SIPA1L3: variants seen among roughly 807,000 people sequenced by gnomAD.
SIPA1L3 encodes the protein signal induced proliferation associated 1 like 3.
In SIPA1L3, 59 loss-of-function variants were observed where a neutral mutation model predicts 150.1. The ratio of observed to expected loss-of-function variants is 0.39; its 90% CI spans 0.32 to 0.49. The LOEUF (loss-of-function observed/expected upper bound fraction) is 0.49, where lower values mean the gene tolerates loss of function less well. SIPA1L3 is among the 20% of genes least tolerant of loss of function. The probability of loss-of-function intolerance (pLI) is 0.86; values close to 1 mark genes in which losing one functional copy is unlikely to be tolerated. For synonymous variants in SIPA1L3, 1,070 were observed against 1,077.6 expected (o/e 0.99, Z 0.14); for missense variants, 2,211 against 2,489.5 (o/e 0.89, Z 2.38).
At chr19:37,973,455 G>A (rs775098800) in intron 1 of SIPA1L3, among the ~76,000 whole-genome samples, 7 of 139,298 alleles carry the variant, frequency 5.0e-5, no homozygotes, top group African/African-American at 1.6e-4. Context: ...GGCTGGTCTC[G>A]AACTCCCGAC....
chr19:37,917,128 CTATTT>C (rs1385687805), intron 1 of SIPA1L3, among the ~76,000 whole-genome samples: 1 of 152,002 alleles, frequency 6.6e-6, no homozygotes, highest in Non-Finnish European at 1.5e-5. Flanking sequence ...TATTAGTGAG[CTATTT>C]TACTTCCTTT....
Position 38,197,880 on chromosome 19 carries a change from CCA to C in SIPA1L3, c.4841-508_4841-507del, listed in dbSNP as rs1491347447. 1.7e-3 allele frequency among the ~76,000 whole-genome samples: 253 copies of C among 150,522 alleles called. 1 individual carries two copies. Among genetic ancestry groups the C allele is most frequent in the African/African-American group, 5.6e-3 (229 of 40,932 alleles). On this transcript the variant is annotated intron_variant, in intron 18 of 21. Coordinates refer to ENST00000222345, the MANE Select transcript of SIPA1L3 (RefSeq NM_015073.3). ...TCCCTGTCTCCCCCCAAATCCCCCC[CCA>C]AACACACAGTCCGTCCCCCACATGC...
chr19:38,045,194 A>G (rs1187646427), intron 2 of SIPA1L3, among the ~76,000 whole-genome samples: 1 of 152,082 alleles, frequency 6.6e-6, no homozygotes, highest in Non-Finnish European at 1.5e-5. Flanking sequence ...CCTGGCCAAC[A>G]TGGTGAAACC....
At chr19:37,963,121 TG>T (rs1469334495) in intron 1 of SIPA1L3, among the ~76,000 whole-genome samples, 2 of 152,150 alleles carry the variant, frequency 1.3e-5, no homozygotes, top group Non-Finnish European at 2.9e-5. Flanking sequence ...GTCTGTGGGT[TG>T]GGGAATATTT....
chr19:38,000,894 TTA>T (rs552331515), intron 1 of SIPA1L3, among the ~76,000 whole-genome samples: 56,453 of 113,592 alleles, frequency 0.5, 12,241 homozygotes, highest in South Asian at 0.57. Context: ...TATATATATG[TTA>T]TATATATATA....
At chr19:37,917,915 G>A (rs1358270618) in intron 1 of SIPA1L3, among the ~76,000 whole-genome samples, 2 of 152,014 alleles carry the variant, frequency 1.3e-5, no homozygotes, top group Non-Finnish European at 2.9e-5. Flanking sequence ...TGAGGTGGGA[G>A]GATTGCTTTA....
chr19:37,983,794 T>C (rs1273271714), intron 1 of SIPA1L3, among the ~76,000 whole-genome samples: 1 of 150,792 alleles, frequency 6.6e-6, no homozygotes, highest in Non-Finnish European at 1.5e-5. Flanking sequence ...AGGTCTCAGC[T>C]ACTCAGGAGG....
chr19:37,952,118 G>A (rs2046770036), intron 1 of SIPA1L3, among the ~76,000 whole-genome samples: 1 of 152,116 alleles, frequency 6.6e-6, no homozygotes, highest in Non-Finnish European at 1.5e-5. Flanking sequence ...TCTTCCTATG[G>A]AGGTGCCAAG....
intron 19 of SIPA1L3, chr19:38,200,414 T>C (rs1600208825): frequency 6.6e-6 from 1 of 152,138 alleles, no homozygotes; most frequent in African/African-American, 2.4e-5. Flanking sequence ...TAAGGACAGG[T>C]GTACTGGCCC....
At chr19:38,136,692 C>T (rs940241763) in intron 10 of SIPA1L3, among the ~76,000 whole-genome samples, 4 of 152,218 alleles carry the variant, frequency 2.6e-5, no homozygotes, top group Admixed American at 2.0e-4. Flanking sequence ...CAGTCAAATG[C>T]AGATCCTTGG....
chr19:38,158,207 T>G (rs1447698744), intron 13 of SIPA1L3, among the ~76,000 whole-genome samples: 3 of 151,944 alleles, frequency 2.0e-5, no homozygotes, highest in Non-Finnish European at 4.4e-5. Flanking sequence ...CACTCCAGCC[T>G]GGGCAACAGA....
At chr19:38,204,247 A>G (rs1266183768) in intron 21 of SIPA1L3, 39 bp downstream of exon 21, 18 of 1,524,830 alleles carry the variant, frequency 1.2e-5, no homozygotes, top group Non-Finnish European at 1.4e-5. Context: ...CCCACTTCCC[A>G]GACACTGGGC....
At chr19:38,165,854 C>T (rs1331320582) in intron 15 of SIPA1L3, among the ~76,000 whole-genome samples, 1 of 152,196 alleles carries the variant, frequency 6.6e-6, no homozygotes, top group Non-Finnish European at 1.5e-5. Flanking sequence ...CCTCTACCTC[C>T]CAGGTTCAAG....
chr19:38,206,122 A>G lies in SIPA1L3; in HGVS notation c.5228A>G (p.Gln1743Arg). Residue 1743 changes from glutamine (Q) to arginine (R), a missense_variant, in exon 22 of 22, where the codon CAG (glutamine) becomes CGG (arginine). By Grantham distance (43) the Gln-to-Arg change is conservative (BLOSUM62 1). Around this residue, in one of 5 missense-constraint regions of SIPA1L3, gnomAD observed 63 missense variants for 106.1 expected, o/e 0.59. Transcript: ENST00000222345. Reference protein sequence around the residue: ...QKEKQDKVVLQSEVASLRQNN... With the variant: ...QKEKQDKVVLRSEVASLRQNN... ...GAGAAGCAGGACAAGGTGGTGCTCC[A>G]GTCAGAGGTGGCCAGCCTGCGGCAG... The G allele has an allele frequency of 6.4e-7, 1 of 1,550,534 alleles. No homozygotes were observed. Among genetic ancestry groups the G allele is most frequent in the South Asian group, 1.2e-5 (1 of 83,910 alleles).
At chr19:38,011,708 T>C (rs1227341196) in intron 1 of SIPA1L3, among the ~76,000 whole-genome samples, 1 of 152,120 alleles carries the variant, frequency 6.6e-6, no homozygotes, top group Non-Finnish European at 1.5e-5. Context: ...GCCCAAGATA[T>C]GTTGAAGAAC....
At chr19:38,022,856 C>T (rs1968408134) in intron 1 of SIPA1L3, among the ~76,000 whole-genome samples, 1 of 152,148 alleles carries the variant, frequency 6.6e-6, no homozygotes, top group African/African-American at 2.4e-5. Flanking sequence ...AGCAGGGAGC[C>T]CTGGGCCTGT....
At chr19:38,092,396 C>T (rs1970279411) in intron 4 of SIPA1L3, among the ~76,000 whole-genome samples, 1 of 151,810 alleles carries the variant, frequency 6.6e-6, no homozygotes, top group Non-Finnish European at 1.5e-5. Context: ...CAGACTATGT[C>T]ACACATACTG....
At position 38,082,002 on chromosome 19, in the gene SIPA1L3, C is replaced by A. The variant is rs1969996123; in HGVS notation, c.437C>A (p.Ser146Tyr). Residue 146 changes from serine to tyrosine, a missense_variant, in exon 3 of 22, where the codon TCC (serine) becomes TAC (tyrosine). Coordinates refer to ENST00000222345, the MANE Select transcript of SIPA1L3 (RefSeq NM_015073.3). ...KAFHRLSRRR[S>Y]KDVEFQDGWP... ...TTCCACCGACTCTCCAGGAGAAGGTCCAAAGACGTGGAGTTCCAGGACGGG... is the reference window on the plus strand; with the variant it reads ...TTCCACCGACTCTCCAGGAGAAGGTACAAAGACGTGGAGTTCCAGGACGGG... 1 of 1,614,210 alleles carries A rather than the reference C, an allele frequency of 6.2e-7. No individual in the cohort carries two copies. The highest frequency in any genetic ancestry group is 8.5e-7 in the Non-Finnish European group (1 of 1,180,016).
chr19:38,043,468 T>G (rs1482064032), intron 2 of SIPA1L3, among the ~76,000 whole-genome samples: 1 of 152,252 alleles, frequency 6.6e-6, no homozygotes, highest in Non-Finnish European at 1.5e-5. Flanking sequence ...TTGTTATCAC[T>G]GCAGAAATAT....
Sources: gnomAD v4.1 joint callset for allele counts (sites outside exome capture counted in the v4.1 genomes callset) on GRCh38, gnomAD v4.1.1 for gene constraint, gnomAD v4.1.1 regional missense constraint, MANE v1.5 for transcripts, NCBI Gene and HGNC (gene_info 2026-07-23, HGNC 2026-07-21) for gene names.